The following SPINK5 variants were observed in gnomAD, a reference collection of about 807,000 sequenced individuals.
SPINK5 encodes serine protease inhibitor Kazal-type 5.
In SPINK5, 125 loss-of-function variants were observed where a neutral mutation model predicts 151.8. The observed-to-expected ratio is 0.82, with a 90% CI of 0.71 to 0.96. The LOEUF is 0.96. SPINK5 is among the 40% of genes least tolerant of loss of function. SPINK5 has a pLI of 0.00. For synonymous variants in SPINK5, 374 were observed against 395.3 expected (o/e 0.95, Z 0.64); for missense variants, 1,194 against 1,291.9 (o/e 0.92, Z 1.16).
chr5:148,111,298 C>G (rs72660258), intron 18 of SPINK5, among the ~76,000 whole-genome samples: 22,986 of 151,944 alleles, frequency 0.15, 2,365 homozygotes, highest in East Asian at 0.32. Flanking sequence ...AAGGACTGAT[C>G]CTTGTGATTG....
chr5:148,083,309 T>A (rs1753069410), intron 4 of SPINK5, among the ~76,000 whole-genome samples: 1 of 151,456 alleles, frequency 6.6e-6, no homozygotes, highest in Admixed American at 6.6e-5. Flanking sequence ...GGTTTGATAT[T>A]TGCATGCCTT....
chr5:148,084,745 A>G (rs1753108773), intron 4 of SPINK5, among the ~76,000 whole-genome samples: 1 of 151,822 alleles, frequency 6.6e-6, no homozygotes, highest in Non-Finnish European at 1.5e-5. Context: ...CCATTCCTTA[A>G]AAAGGACAGT....
Position 148,133,837 on chromosome 5 carries a change from T to C in SPINK5, c.3136T>C (p.Cys1046Arg). 2 of 1,614,006 alleles carry C rather than the reference T, an allele frequency of 1.2e-6. No homozygotes were observed. Among genetic ancestry groups the C allele is most frequent in the Non-Finnish European group, 1.7e-6 (2 of 1,179,966 alleles). The change falls in exon 32 of 33, where the codon TGT (cysteine) becomes CGT (arginine). Residue 1046 changes from cysteine (C) to arginine (R), a missense_variant. By Grantham distance (180) the Cys-to-Arg change is radical. Coordinates refer to ENST00000256084, the MANE Select transcript of SPINK5 (RefSeq NM_006846.4). ...TACACACATCCGCAGTACAGGGAAG[T>C]GTGAGGAGAGCAGCACCCCAGGAAC... ...TNTHIRSTGK[C>R]EESSTPGTTA...
Position 148,111,807 on chromosome 5 carries a change from C to T in SPINK5, c.1732C>T (p.Arg578Ter), listed in dbSNP as rs201674667. 1.3e-5 allele frequency: 21 copies of T among 1,613,866 alleles called. No individual in the cohort carries two copies. Among genetic ancestry groups the T allele is most frequent in the East Asian group, 4.5e-5 (2 of 44,882 alleles). Residue 578 changes from arginine (R) to a stop codon, truncating the protein, a stop_gained, in exon 19 of 33, where the codon CGA (arginine) becomes TGA (stop). Coordinates refer to ENST00000256084, the MANE Select transcript of SPINK5 (RefSeq NM_006846.4). LOFTEE classifies it high-confidence loss of function. ...ATATCGTCATTATGTGAGGAATGGA[C>T]GACTCCCCTGTACCAGAGAGAATGA... Reference protein sequence around the residue: ...SEYRHYVRNGRLPCTRENDPI... With the variant: ...SEYRHYVRNG
chr5:148,075,879 T>C (rs1207882367), intron 4 of SPINK5, among the ~76,000 whole-genome samples: 1 of 151,502 alleles, frequency 6.6e-6, no homozygotes, highest in Non-Finnish European at 1.5e-5. Context: ...TAATTTGGAG[T>C]AACGAGCAAA....
chr5:148,094,421 C>G lies in SPINK5; in HGVS notation c.734C>G (p.Pro245Arg). 6 of 1,612,776 alleles carry G rather than the reference C, an allele frequency of 3.7e-6. No individual in the cohort carries two copies. The highest frequency in any genetic ancestry group is 5.1e-6 in the Non-Finnish European group (6 of 1,179,150). Reference sequence around the variant, plus strand: ...CTTTTTTGTACACGGGAGAGTGATCCAGTCCGTGGCCCTGACGGCAGGATG... The same window carrying G: ...CTTTTTTGTACACGGGAGAGTGATCGAGTCCGTGGCCCTGACGGCAGGATG... The part of the protein sequence containing the change: ...GRLFCTRESD[P>R]VRGPDGRMHG... Residue 245 changes from proline (P) to arginine (R), a missense_variant, in exon 9 of 33, where the codon CCA (proline) becomes CGA (arginine). Physicochemically the swap from Pro to Arg is moderately radical, Grantham distance 103. Coordinates refer to ENST00000256084, the MANE Select transcript of SPINK5 (RefSeq NM_006846.4).
chr5:148,092,175 CAGATCGT>C (rs1753329859), intron 8 of SPINK5, among the ~76,000 whole-genome samples: 1 of 151,892 alleles, frequency 6.6e-6, no homozygotes, highest in East Asian at 1.9e-4. Flanking sequence ...CTCCTTTTTG[CAGATCGT>C]AGGGCTTATG....
At chr5:148,098,778 AGGG>A (rs1439336966) in intron 11 of SPINK5, among the ~76,000 whole-genome samples, 1 of 152,056 alleles carries the variant, frequency 6.6e-6, no homozygotes. Flanking sequence ...CATGGTCTTG[AGGG>A]AGGAGACCTT....
At chr5:148,069,492 A>AGAGAGAGAAT (rs1752680056) in intron 2 of SPINK5, among the ~76,000 whole-genome samples, 1 of 152,040 alleles carries the variant, frequency 6.6e-6, no homozygotes, top group African/African-American at 2.4e-5. Flanking sequence ...AGAGAGAGAA[A>AGAGAGAGAAT]GAGAGAGAAA....
At chr5:148,084,276 T>A (rs542048240) in intron 4 of SPINK5, among the ~76,000 whole-genome samples, 1 of 151,832 alleles carries the variant, frequency 6.6e-6, no homozygotes, top group Non-Finnish European at 1.5e-5. Context: ...GCCCTTCTGG[T>A]GAGTATAAGG....
At chr5:148,081,022 G>T (rs1396552399) in intron 4 of SPINK5, among the ~76,000 whole-genome samples, 3 of 151,452 alleles carry the variant, frequency 2.0e-5, no homozygotes, top group Middle Eastern at 3.2e-3. Flanking sequence ...AACAAGATGC[G>T]CAACACCGTT....
At chr5:148,128,654 G>A (rs189209821) in intron 30 of SPINK5, among the ~76,000 whole-genome samples, 16,337 of 151,952 alleles carry the variant, frequency 0.11, 1,142 homozygotes, top group East Asian at 0.31. Flanking sequence ...TCAGCCTCCC[G>A]AGTAGCTGGG....
Position 148,089,462 on chromosome 5 carries a change from G to A in SPINK5, c.475-32G>A, listed in dbSNP as rs753287900. On this transcript the variant is annotated intron_variant, in intron 6 of 32. Transcript: ENST00000256084. ...CAGTGTTGTCAGCATTACAATCTTGGTAAGTTTCAAGTTCTTTTCCCTGTT... is the reference window on the plus strand; with the variant it reads ...CAGTGTTGTCAGCATTACAATCTTGATAAGTTTCAAGTTCTTTTCCCTGTT... The A allele has an allele frequency of 3.1e-6, 5 of 1,602,630 alleles. No individual in the cohort carries two copies. In the East Asian group the frequency reaches 6.7e-5, roughly 21 times the overall value.
chr5:148,095,773 A>G (rs780854710), intron 9 of SPINK5, 45 bp from the exon 10 acceptor site: 15 of 1,501,806 alleles, frequency 1.0e-5, no homozygotes, highest in Non-Finnish European at 1.4e-5. Context: ...GTTTTGTAAC[A>G]TGAAGATCGG....
chr5:148,071,322 G>T (rs187149500), intron 3 of SPINK5, among the ~76,000 whole-genome samples: 11 of 151,956 alleles, frequency 7.2e-5, no homozygotes, highest in African/African-American at 2.7e-4. Context: ...AATCATATTG[G>T]GATAATGAAG....
intron 28 of SPINK5, 107 bp from the exon 29 acceptor site, chr5:148,125,616 G>A (rs780163209): frequency 6.2e-7 from 1 of 1,614,206 alleles, no homozygotes; most frequent in African/African-American, 1.3e-5. Context: ...TGAGTACAGT[G>A]AGTCTGAGCC....
At chr5:148,127,831 C>T (rs1754471113) in intron 30 of SPINK5, among the ~76,000 whole-genome samples, 1 of 152,178 alleles carries the variant, frequency 6.6e-6, no homozygotes, top group African/African-American at 2.4e-5. Context: ...GCACTCCAGC[C>T]TGGGTGACAG....
intron 17 of SPINK5, among the ~76,000 whole-genome samples, chr5:148,107,808 C>T (rs1255066601): frequency 1.3e-5 from 2 of 152,148 alleles, no homozygotes; most frequent in East Asian, 3.8e-4. Flanking sequence ...GTGACTACAG[C>T]TCCATCGTGT....
intron 2 of SPINK5, among the ~76,000 whole-genome samples, chr5:148,069,173 G>C (rs191870939): frequency 1.3e-5 from 2 of 152,000 alleles, no homozygotes; most frequent in East Asian, 3.9e-4. Flanking sequence ...ACTTTACTAG[G>C]TAGCAGAAAT....
Sources: allele counts gnomAD v4.1 joint callset (sites outside exome capture counted in the v4.1 genomes callset), GRCh38; gene constraint gnomAD v4.1.1; transcripts MANE v1.5; gene names NCBI Gene and HGNC (gene_info 2026-07-23, HGNC 2026-07-21).